The following SLC4A10 variants were observed in gnomAD, a reference collection of about 807,000 sequenced individuals.
SLC4A10 encodes sodium-driven chloride bicarbonate exchanger.
Under a neutral mutation model 137.7 loss-of-function variants are expected in SLC4A10, and 42 were observed. The ratio of observed to expected loss-of-function variants is 0.30; its 90% CI spans 0.24 to 0.39. SLC4A10 has a LOEUF of 0.39. Ranked by LOEUF, SLC4A10 falls within the 10% of genes least tolerant of loss-of-function variation. SLC4A10 has a pLI of 1.00. For missense variants in SLC4A10, 925 were observed against 1,355.0 expected, an observed-to-expected ratio of 0.68 and a Z score of 4.98; for synonymous variants, 474 against 464.1, an observed-to-expected ratio of 1.02 and a Z score of -0.27.
intron 1 of SLC4A10, among the ~76,000 whole-genome samples, chr2:161,742,024 A>G (rs188166162): frequency 5.9e-5 from 9 of 152,172 alleles, no homozygotes; most frequent in Admixed American, 5.2e-4. Context: ...CTCTATCTCC[A>G]TGAGTTCAAT....
intron 1 of SLC4A10, among the ~76,000 whole-genome samples, chr2:161,654,044 G>A (rs2037177751): frequency 6.6e-6 from 1 of 152,060 alleles, no homozygotes; most frequent in South Asian, 2.1e-4. Flanking sequence ...CCTAACACTT[G>A]TTATCTTTTG....
At chr2:161,883,133 A>G (rs1299420417) in intron 10 of SLC4A10, among the ~76,000 whole-genome samples, 1 of 152,020 alleles carries the variant, frequency 6.6e-6, no homozygotes, top group Non-Finnish European at 1.5e-5. Context: ...CCAACACATT[A>G]TGGAAATTTG....
In SLC4A10 at chr2:161,958,752, C is replaced by G. The variant is rs12466127; in HGVS notation, c.2862+197C>G. 9.9e-5 allele frequency among the ~76,000 whole-genome samples: 15 copies of G among 152,094 alleles called. No individual in the cohort carries two copies. The East Asian group carries it at 2.3e-3, about 23-fold the overall frequency. On this transcript the variant is annotated intron_variant, in intron 21 of 26. Coordinates refer to ENST00000446997, the MANE Select transcript of SLC4A10 (RefSeq NM_001178015.2). ...ATCTAAGGTTCATAATCTTATGGTACTTTTCTTTATCATAAGTATATTAAA... is the reference window on the plus strand; with the variant it reads ...ATCTAAGGTTCATAATCTTATGGTAGTTTTCTTTATCATAAGTATATTAAA...
chr2:161,894,281 G>T (rs1489864967), intron 10 of SLC4A10, among the ~76,000 whole-genome samples: 1 of 151,990 alleles, frequency 6.6e-6, no homozygotes, highest in Non-Finnish European at 1.5e-5. Flanking sequence ...ATTTATTTAT[G>T]CCAGGGTATA....
At chr2:161,718,354 T>G (rs1007185475) in intron 1 of SLC4A10, among the ~76,000 whole-genome samples, 1 of 152,158 alleles carries the variant, frequency 6.6e-6, no homozygotes, top group Non-Finnish European at 1.5e-5. Context: ...GTTTGTTTGC[T>G]CTTGGTTCTC....
chr2:161,738,035 G>A (rs1002371091), intron 1 of SLC4A10, among the ~76,000 whole-genome samples: 22 of 152,064 alleles, frequency 1.4e-4, no homozygotes, highest in African/African-American at 5.3e-4. Flanking sequence ...TCTGATCCTG[G>A]ATCCAGACCA....
intron 20 of SLC4A10, among the ~76,000 whole-genome samples, chr2:161,957,683 A>T (rs1695909884): frequency 6.6e-6 from 1 of 152,186 alleles, no homozygotes; most frequent in South Asian, 2.1e-4. Flanking sequence ...TCACATACGC[A>T]GTTTTCCATT....
chr2:161,763,147 C>G (rs1213264609), intron 1 of SLC4A10, among the ~76,000 whole-genome samples: 1 of 151,940 alleles, frequency 6.6e-6, no homozygotes, highest in Non-Finnish European at 1.5e-5. Flanking sequence ...ATTAATCATT[C>G]TGTTGAGCAA....
chr2:161,978,539 G>A (rs932106821), intron 26 of SLC4A10, among the ~76,000 whole-genome samples: 1 of 152,120 alleles, frequency 6.6e-6, no homozygotes, highest in African/African-American at 2.4e-5. Context: ...AAGAGAAAGA[G>A]GCTACATTAG....
chr2:161,861,897 G>A (rs932389636), intron 5 of SLC4A10, among the ~76,000 whole-genome samples: 1 of 152,150 alleles, frequency 6.6e-6, no homozygotes, highest in African/African-American at 2.4e-5. Context: ...GGAAAACATT[G>A]TTGGTAAGGG....
chr2:161,629,488 C>A (rs2033117977), intron 1 of SLC4A10, among the ~76,000 whole-genome samples: 1 of 151,838 alleles, frequency 6.6e-6, no homozygotes, highest in Admixed American at 6.6e-5. Context: ...CTGCCCCTTA[C>A]ACATACATAG....
chr2:161,691,108 A>T (rs868773696), intron 1 of SLC4A10, among the ~76,000 whole-genome samples: 7 of 152,254 alleles, frequency 4.6e-5, no homozygotes, highest in Non-Finnish European at 7.4e-5. Context: ...CTGCAGTCAA[A>T]TATGATGCAG....
intron 2 of SLC4A10, among the ~76,000 whole-genome samples, chr2:161,795,498 T>C (rs148916448): frequency 1.1e-3 from 160 of 152,268 alleles, no homozygotes; most frequent in African/African-American, 3.7e-3. Context: ...GCCACAGATA[T>C]ATCTATCACC....
intron 26 of SLC4A10, among the ~76,000 whole-genome samples, chr2:161,978,535 A>G (rs1699764871): frequency 6.6e-6 from 1 of 152,188 alleles, no homozygotes; most frequent in South Asian, 2.1e-4. Context: ...GGGCAAGAGA[A>G]AGAGGCTACA....
chr2:161,756,417 A>G (rs897178275), intron 1 of SLC4A10, among the ~76,000 whole-genome samples: 9 of 152,330 alleles, frequency 5.9e-5, no homozygotes, highest in African/African-American at 1.7e-4. Flanking sequence ...CTTATTAGTT[A>G]GGATCTACTA....
chr2:161,965,942 AAACAC>A (rs1697497436), intron 23 of SLC4A10, among the ~76,000 whole-genome samples: 2 of 152,206 alleles, frequency 1.3e-5, no homozygotes, highest in Admixed American at 1.3e-4. Context: ...ATACAATGTA[AAACAC>A]AACAAAGTTT....
chr2:161,961,758 C>T (rs1040277018), intron 21 of SLC4A10, among the ~76,000 whole-genome samples: 5 of 151,908 alleles, frequency 3.3e-5, no homozygotes, highest in African/African-American at 7.3e-5. Flanking sequence ...TGAACAAGAA[C>T]GTCAAGTTTT....
At chr2:161,817,181 A>G (rs1403545709) in intron 3 of SLC4A10, among the ~76,000 whole-genome samples, 9 of 152,248 alleles carry the variant, frequency 5.9e-5, no homozygotes, top group South Asian at 4.1e-4. Flanking sequence ...TCTAAGTGGT[A>G]TGAGATGGTA....
chr2:161,773,516 C>A (rs553721532), intron 2 of SLC4A10, among the ~76,000 whole-genome samples: 10 of 151,568 alleles, frequency 6.6e-5, no homozygotes, highest in Non-Finnish European at 1.3e-4. Context: ...CAGATAAACG[C>A]GTTTAAAAAA....
Sources: allele counts gnomAD v4.1 joint callset (sites outside exome capture counted in the v4.1 genomes callset), GRCh38; gene constraint gnomAD v4.1.1; transcripts MANE v1.5; gene names NCBI Gene and HGNC (gene_info 2026-07-23, HGNC 2026-07-21).